The following ERBIN variants were observed in gnomAD, a reference collection of about 807,000 sequenced individuals.
ERBIN encodes erbb2 interacting protein.
In ERBIN, 60 loss-of-function variants were observed where a neutral mutation model predicts 158.4. That is an observed-to-expected ratio of 0.38 (90% CI 0.31 to 0.47). ERBIN has a LOEUF of 0.47. ERBIN is among the 20% of genes least tolerant of loss of function. ERBIN has a pLI of 0.99. For missense variants in ERBIN, 1,610 were observed against 1,648.0 expected (o/e 0.98, Z 0.40); for synonymous variants, 594 against 557.2 (o/e 1.07, Z -0.93).
chr5:66,010,636 T>C (rs1321167716), intron 4 of ERBIN, among the ~76,000 whole-genome samples: 3 of 152,180 alleles, frequency 2.0e-5, no homozygotes, highest in Non-Finnish European at 4.4e-5. Flanking sequence ...ATATATGATA[T>C]TGTGGTAAAG....
chr5:66,073,961 C>T (rs973577560), intron 22 of ERBIN, among the ~76,000 whole-genome samples: 13 of 151,948 alleles, frequency 8.6e-5, no homozygotes, highest in African/African-American at 2.9e-4. Context: ...TCACTGCAGC[C>T]TCAAACTACT....
At chr5:66,053,230 TCTTTTAA>T (rs1759218483) in intron 20 of ERBIN, among the ~76,000 whole-genome samples, 169 bp from the exon 21 acceptor site, 1 of 152,194 alleles carries the variant, frequency 6.6e-6, no homozygotes, top group African/African-American at 2.4e-5. Context: ...AATATAAAGC[TCTTTTAA>T]CTATTAAGAT....
intron 7 of ERBIN, among the ~76,000 whole-genome samples, chr5:66,017,675 C>T (rs1345945810): frequency 1.3e-5 from 2 of 151,588 alleles, no homozygotes; most frequent in East Asian, 3.9e-4. Flanking sequence ...TGCTGTAATC[C>T]CATTTGTCTA....
intron 1 of ERBIN, among the ~76,000 whole-genome samples, chr5:65,965,881 G>A (rs945972441): frequency 5.9e-5 from 9 of 152,126 alleles, no homozygotes; most frequent in African/African-American, 2.2e-4. Context: ...CAGACATCTT[G>A]TATATATTTA....
intron 1 of ERBIN, among the ~76,000 whole-genome samples, chr5:65,977,637 A>G (rs1236265942): frequency 1.5e-5 from 2 of 133,480 alleles, no homozygotes; most frequent in Non-Finnish European, 3.2e-5. Context: ...CCTAGATGGG[A>G]TGGTGGCCGG....
chr5:66,054,681 A>G lies in ERBIN; in HGVS notation c.3363A>G (p.Pro1121=), dbSNP rs1759416573. 1.2e-6 allele frequency: 2 copies of G among 1,614,166 alleles called. No individual in the cohort carries two copies. Among genetic ancestry groups the G allele is most frequent in the Middle Eastern group, 1.6e-4 (1 of 6,062 alleles). ...HSAGRTPPMM[P]GSQRPLSART... is the part of the protein sequence containing the mutation. The stretch of plus-strand genomic sequence containing the variant: ...CGGGAAGAACTCCTCCAATGATGCC[A>G]GGATCACAGAGACCCCTTTCTGCAC... The change falls in exon 21 of 26, where the codon CCA becomes CCG. Residue 1121 remains proline (P), a synonymous_variant. Transcript: ENST00000284037.
At chr5:66,055,340 A>G (rs1307276453) in intron 21 of ERBIN, among the ~76,000 whole-genome samples, 3 of 152,330 alleles carry the variant, frequency 2.0e-5, no homozygotes, top group Admixed American at 1.3e-4. Flanking sequence ...CAAAAAATGT[A>G]TTGCAAATGT....
intron 17 of ERBIN, among the ~76,000 whole-genome samples, chr5:66,044,760 G>A (rs906054268): frequency 1.3e-5 from 2 of 151,220 alleles, no homozygotes; most frequent in South Asian, 4.2e-4. Context: ...GTGACACTCT[G>A]TCTCAAAAAC....
At chr5:66,024,597 G>T (rs1756040132) in intron 10 of ERBIN, 147 bp downstream of exon 10, 2 of 700,864 alleles carry the variant, frequency 2.9e-6, no homozygotes. Flanking sequence ...GTGATCAGTT[G>T]TACAGTTTGC....
In ERBIN at chr5:66,078,546, A is replaced by T. The variant is rs1762220629; in HGVS notation, c.*16A>T. ...TTCCTCATAAGCACTGTGGACAAAA[A>T]AAGCGGGGAAGACAGCAAGATTTAT... On this transcript the variant is annotated 3_prime_UTR_variant, in exon 26 of 26. Transcript: ENST00000284037. 6.7e-7 allele frequency: 1 copy of T among 1,489,176 alleles called. No homozygotes were observed. Among genetic ancestry groups the T allele is most frequent in the Non-Finnish European group, 9.3e-7 (1 of 1,069,774 alleles). 92.2% of individuals were successfully genotyped at this position (1,489,176 alleles called of 1,614,324 possible).
intron 21 of ERBIN, among the ~76,000 whole-genome samples, chr5:66,071,751 CTT>C (rs1761551687): frequency 7.6e-6 from 1 of 131,226 alleles, no homozygotes; most frequent in South Asian, 2.4e-4. Flanking sequence ...TACCAAAAAT[CTT>C]TTTATAGTGC....
At chr5:65,961,405 C>T (rs997445892) in intron 1 of ERBIN, 9 of 152,118 alleles carry the variant, frequency 5.9e-5, no homozygotes, top group South Asian at 2.1e-4. Flanking sequence ...AATTATACTT[C>T]CCTGCAGCAG....
intron 1 of ERBIN, among the ~76,000 whole-genome samples, chr5:65,976,993 G>A (rs1047987425): frequency 3.9e-5 from 6 of 152,016 alleles, no homozygotes; most frequent in Admixed American, 1.3e-4. Flanking sequence ...CCACAAAACC[G>A]CCATTGTCAT....
chr5:65,979,482 C>A (rs945414498), intron 1 of ERBIN, among the ~76,000 whole-genome samples: 1 of 152,132 alleles, frequency 6.6e-6, no homozygotes, highest in Non-Finnish European at 1.5e-5. Flanking sequence ...TATTACCTTA[C>A]AGTGTCTAGA....
At chr5:66,065,663 T>G in intron 21 of ERBIN, among the ~76,000 whole-genome samples, 1 of 120,074 alleles carries the variant, frequency 8.3e-6, no homozygotes, top group East Asian at 2.7e-4. Flanking sequence ...GTGTGTGTTT[T>G]GCTTTGTATG....
intron 7 of ERBIN, among the ~76,000 whole-genome samples, chr5:66,017,779 A>T: frequency 6.6e-6 from 1 of 152,198 alleles, no homozygotes; most frequent in East Asian, 1.9e-4. Context: ...GAGAATTAGC[A>T]TTCTCCAGTG....
chr5:65,968,774 G>C (rs1389064555), intron 1 of ERBIN, among the ~76,000 whole-genome samples: 2 of 152,094 alleles, frequency 1.3e-5, no homozygotes, highest in Non-Finnish European at 2.9e-5. Flanking sequence ...TGGTCAGGCT[G>C]GTCTCAAAAC....
intron 17 of ERBIN, 60 bp downstream of exon 17, chr5:66,044,370 G>A: frequency 6.2e-6 from 9 of 1,447,924 alleles, no homozygotes; most frequent in Non-Finnish European, 8.4e-6. Context: ...TTAAATGACA[G>A]TTGATATAGT....
chr5:66,061,803 A>T (rs1447043188), intron 21 of ERBIN, among the ~76,000 whole-genome samples: 1 of 152,014 alleles, frequency 6.6e-6, no homozygotes, highest in Non-Finnish European at 1.5e-5. Flanking sequence ...TCACTTATGA[A>T]GCTTAGTTTG....
Sources: allele counts gnomAD v4.1 joint callset (sites outside exome capture counted in the v4.1 genomes callset), GRCh38; gene constraint gnomAD v4.1.1; transcripts MANE v1.5; gene names NCBI Gene and HGNC (gene_info 2026-07-23, HGNC 2026-07-21).